CENPF: variants seen among roughly 807,000 people sequenced by gnomAD.
The protein encoded by CENPF is AH antigen.
CENPF carries 214 observed loss-of-function variants against 307.3 expected under a neutral mutation model. That is an observed-to-expected ratio of 0.70 (90% CI 0.62 to 0.78). The LOEUF is 0.78. Among genes scored for constraint, CENPF ranks in the 30% least tolerant of loss-of-function variants. CENPF has a pLI of 0.00. For missense variants in CENPF, 3,401 were observed against 3,483.9 expected (o/e 0.98, Z 0.60); for synonymous variants, 1,259 against 1,270.6 (o/e 0.99, Z 0.19).
At chr1:214,629,612 C>T (rs763951336) in intron 8 of CENPF, among the ~76,000 whole-genome samples, 2 of 151,774 alleles carry the variant, frequency 1.3e-5, no homozygotes, top group African/African-American at 4.8e-5. Flanking sequence ...AGTGCAATGG[C>T]ACAATCTTGG....
At chr1:214,628,912 T>C (rs1166432482) in intron 7 of CENPF, 134 bp from the exon 8 acceptor site, 4 of 632,974 alleles carry the variant, frequency 6.3e-6, no homozygotes, top group Non-Finnish European at 1.0e-5. Context: ...GCTAATGCTT[T>C]ACATCCTTGC....
chr1:214,605,404 TA>T, intron 1 of CENPF: 1 of 435,618 alleles, frequency 2.3e-6, no homozygotes, highest in South Asian at 2.7e-5. Flanking sequence ...CCCAAGGTCA[TA>T]CATCCGTAAG....
intron 3 of CENPF, among the ~76,000 whole-genome samples, 165 bp from the exon 4 acceptor site, chr1:214,618,408 A>G (rs1657415731): frequency 6.6e-6 from 1 of 152,256 alleles, no homozygotes; most frequent in South Asian, 2.1e-4. Flanking sequence ...TGTCTGGCAC[A>G]TAAGTTAGAC....
chr1:214,636,874 T>TC (rs1268438902), intron 10 of CENPF, among the ~76,000 whole-genome samples: 4 of 152,226 alleles, frequency 2.6e-5, no homozygotes, highest in African/African-American at 2.4e-5. Context: ...TCTCTTAGCT[T>TC]GTAATGATTT....
intron 3 of CENPF, among the ~76,000 whole-genome samples, chr1:214,617,948 G>A (rs931398729): frequency 6.6e-6 from 1 of 152,156 alleles, no homozygotes; most frequent in Non-Finnish European, 1.5e-5. Flanking sequence ...CTGAGCCTGG[G>A]TAAATTACAA....
chr1:214,649,559 G>T (rs112201864), intron 14 of CENPF, among the ~76,000 whole-genome samples: 3,944 of 152,236 alleles, frequency 0.026, 181 homozygotes, highest in African/African-American at 0.088. Flanking sequence ...AATTTGAAAT[G>T]ATACATGTAA....
chr1:214,625,672 T>C (rs1657634538), intron 7 of CENPF, among the ~76,000 whole-genome samples: 1 of 152,162 alleles, frequency 6.6e-6, no homozygotes, highest in Admixed American at 6.5e-5. Flanking sequence ...CCTTTGCGGG[T>C]TGTTTGAACA....
Position 214,642,191 on chromosome 1 carries a change from G to A in CENPF, c.3853G>A (p.Asp1285Asn), listed in dbSNP as rs139262804. 5.6e-5 allele frequency: 91 copies of A among 1,613,980 alleles called. No individual in the cohort carries two copies. Among genetic ancestry groups the A allele is most frequent in the Non-Finnish European group, 7.2e-5 (85 of 1,180,022 alleles). Reference sequence around the variant, plus strand: ...TCATGAGTTGTCAACAAGTCAAAACGACAATGCACACCTTCAGTGCTCTCT... The same window carrying A: ...TCATGAGTTGTCAACAAGTCAAAACAACAATGCACACCTTCAGTGCTCTCT... ...GPHELSTSQN[D>N]NAHLQCSLQT... Residue 1285 changes from aspartate (D) to asparagine (N), a missense_variant, in exon 12 of 20, where the codon GAC becomes AAC. By Grantham distance (23) the Asp-to-Asn change is conservative (BLOSUM62 1). Transcript: ENST00000366955.
At chr1:214,632,792 A>G (rs879852721) in intron 10 of CENPF, among the ~76,000 whole-genome samples, 190 bp downstream of exon 10, 4 of 152,112 alleles carry the variant, frequency 2.6e-5, no homozygotes, top group Non-Finnish European at 5.9e-5. Flanking sequence ...TTATTTTTCT[A>G]CTCTCTATTC....
At chr1:214,605,853 C>T in intron 1 of CENPF, 3 of 1,596,714 alleles carry the variant, frequency 1.9e-6, no homozygotes, top group East Asian at 2.2e-5. Flanking sequence ...TCCTCCGTGC[C>T]GTGGATGATG....
chr1:214,663,970 T>C lies in CENPF; in HGVS notation c.*176T>C. On this transcript the variant is annotated 3_prime_UTR_variant, in exon 20 of 20. Transcript: ENST00000366955. ...TCCCATGTGTAGGTATTGAAAAAGT[T>C]TGGAAGCACTGATCACCTGTTAGCA... 1.7e-6 allele frequency: 1 copy of C among 590,026 alleles called. No individual in the cohort carries two copies. The highest frequency in any genetic ancestry group is 3.0e-6 in the Non-Finnish European group (1 of 337,332). 36.5% of individuals were successfully genotyped at this position (590,026 alleles called of 1,614,324 possible).
Position 214,659,017 on chromosome 1 carries a change from A to C in CENPF, c.9130A>C (p.Arg3044=). The C allele has an allele frequency of 6.2e-7, 1 of 1,614,074 alleles. No individual in the cohort carries two copies. Among genetic ancestry groups the C allele is most frequent in the Middle Eastern group, 1.6e-4 (1 of 6,062 alleles). The change falls in exon 19 of 20, where the codon AGA becomes CGA. Residue 3044 remains arginine, a synonymous_variant. Coordinates refer to ENST00000366955, the MANE Select transcript of CENPF (RefSeq NM_016343.4). The surrounding 1 kb of genome is among the most constrained non-coding windows in gnomAD (Gnocchi z 4.4). ...CTCCAAACCAACAGCTGGTGGCAGC[A>C]GATCACAAAAGGTAAACTACTGTCA... is the stretch of plus-strand genomic sequence containing the variant. ...ESSKPTAGGS[R]SQKVKVAQRS...
rs550944889 is a variant in CENPF at position 214,641,374 on chromosome 1, A to G, written c.3036A>G (p.Ser1012=). The change falls in exon 12 of 20, where the codon TCA becomes TCG. Residue 1012 remains serine (S), a synonymous_variant. Coordinates refer to ENST00000366955, the MANE Select transcript of CENPF (RefSeq NM_016343.4). ...NYIDEREKSI[S]ELSDQYKQEK... ...TAGATGAAAGGGAGAAAAGCATTTCAGAGTTATCTGATCAGTACAAGCAAG... is the reference window on the plus strand; with the variant it reads ...TAGATGAAAGGGAGAAAAGCATTTCGGAGTTATCTGATCAGTACAAGCAAG... 3.7e-6 allele frequency: 6 copies of G among 1,608,850 alleles called. No homozygotes were observed. The African/African-American group carries it at 8.0e-5, about 22-fold the overall frequency.
intron 1 of CENPF, chr1:214,608,690 C>A: frequency 1.3e-6 from 2 of 1,593,596 alleles, no homozygotes; most frequent in South Asian, 2.2e-5. Flanking sequence ...CCCAAGGGGG[C>A]GGCCCCGGCC....
chr1:214,607,143 G>T (rs987589340), intron 1 of CENPF, among the ~76,000 whole-genome samples: 1 of 152,206 alleles, frequency 6.6e-6, no homozygotes, highest in African/African-American at 2.4e-5. Flanking sequence ...GGCAGCCATG[G>T]TCAGTAGTGT....
Position 214,652,068 on chromosome 1 carries a change from ATT to A in CENPF, c.8160+199_8160+200del, listed in dbSNP as rs35011701. Among the ~76,000 whole-genome samples the A allele has an allele frequency of 0.12, 14,907 of 126,972 alleles. 720 individuals are homozygous for A. Among genetic ancestry groups the A allele is most frequent in the Middle Eastern group, 0.17 (40 of 236 alleles). 83.3% of individuals were successfully genotyped at this position (126,972 alleles called of 152,430 possible). ...GGTCCCTCTCTTATTTTATCAGTTG[ATT>A]TTTTTTTTTTTTTTTTGAGATGGGG... On this transcript the variant is annotated intron_variant, in intron 15 of 19. Coordinates refer to ENST00000366955, the MANE Select transcript of CENPF (RefSeq NM_016343.4).
Position 214,647,316 on chromosome 1 carries a change from A to T in CENPF, c.7746A>T (p.Thr2582=), listed in dbSNP as rs763587139. Residue 2582 remains threonine (T), a synonymous_variant, in exon 13 of 20, where the codon ACA becomes ACT. Transcript: ENST00000366955. ...LQSKNASLQD[T]LEVLQSSYKN... ...CCAAAAATGCCTCTTTGCAGGACAC[A>T]TTAGAAGTGCTGCAGAGTTCTTACA... is the stretch of plus-strand genomic sequence containing the variant. 6.2e-7 allele frequency: 1 copy of T among 1,613,914 alleles called. No individual in the cohort carries two copies. The highest frequency in any genetic ancestry group is 1.3e-5 in the African/African-American group (1 of 74,930).
chr1:214,661,858 T>A (rs556298923), intron 19 of CENPF, among the ~76,000 whole-genome samples: 2 of 151,644 alleles, frequency 1.3e-5, no homozygotes, highest in East Asian at 3.9e-4. Context: ...TATGAGACAA[T>A]TAGGGTATGC....
chr1:214,645,313 G>A lies in CENPF; in HGVS notation c.5743G>A (p.Glu1915Lys). ...SRIRSEKASI[E>K]HEALYLEADL... Reference sequence around the variant, plus strand: ...GATCAGATCGGAGAAAGCTAGCATTGAGCATGAAGCCCTCTACCTGGAGGC... The same window carrying A: ...GATCAGATCGGAGAAAGCTAGCATTAAGCATGAAGCCCTCTACCTGGAGGC... The change falls in exon 13 of 20, where the codon GAG (glutamate) becomes AAG (lysine). Residue 1915 changes from glutamate (E) to lysine (K), a missense_variant. Transcript: ENST00000366955. 6.2e-7 allele frequency: 1 copy of A among 1,614,100 alleles called. No individual in the cohort carries two copies.
Sources: allele counts gnomAD v4.1 joint callset (sites outside exome capture counted in the v4.1 genomes callset), GRCh38; gene constraint gnomAD v4.1.1; non-coding constraint Gnocchi (gnomAD v3.1); transcripts MANE v1.5; gene names NCBI Gene and HGNC (gene_info 2026-07-23, HGNC 2026-07-21).